HTR2C: variants seen among roughly 807,000 people sequenced by gnomAD.
HTR2C encodes the protein 5-hydroxytryptamine receptor 2C.
In HTR2C, 5 loss-of-function variants were observed where a neutral mutation model predicts 21.0. That is an observed-to-expected ratio of 0.24 (90% CI 0.12 to 0.50). The LOEUF (loss-of-function observed/expected upper bound fraction) is 0.50. Among genes scored for constraint, HTR2C ranks in the 20% least tolerant of loss-of-function variants. The probability of loss-of-function intolerance (pLI) is 0.98; values close to 1 mark genes in which losing one functional copy is unlikely to be tolerated. For synonymous variants in HTR2C, 150 were observed against 145.3 expected (o/e 1.03, Z -0.23); for missense variants, 271 against 371.2 (o/e 0.73, Z 2.22).
intron 3 of HTR2C, among the ~76,000 whole-genome samples, chrX:114,727,900 TA>T (rs2069498547): frequency 9.0e-6 from 1 of 111,191 alleles, no homozygotes; most frequent in South Asian, 3.8e-4. Context: ...AGGACAGTGA[TA>T]AAGAAGGGAA....
intron 5 of HTR2C, among the ~76,000 whole-genome samples, chrX:114,869,546 T>TATCTA (rs1424284147): frequency 1.8e-5 from 2 of 112,591 alleles, no homozygotes; most frequent in Non-Finnish European, 3.8e-5. Flanking sequence ...TGTTTATCAG[T>TATCTA]TCTAATAGTT....
intron 1 of HTR2C, among the ~76,000 whole-genome samples, chrX:114,600,870 T>A: frequency 8.9e-6 from 1 of 112,106 alleles, no homozygotes; most frequent in East Asian, 2.8e-4. Flanking sequence ...TTTTATGTAT[T>A]CTTTAAAATG....
intron 4 of HTR2C, among the ~76,000 whole-genome samples, chrX:114,840,689 G>A (rs2070826028): frequency 9.0e-6 from 1 of 111,387 alleles, no homozygotes; most frequent in Admixed American, 9.5e-5. Flanking sequence ...CAAATACCAA[G>A]CATCATAAGT....
At chrX:114,651,024 T>C (rs1930548589) in intron 2 of HTR2C, among the ~76,000 whole-genome samples, 1 of 112,093 alleles carries the variant, frequency 8.9e-6, no homozygotes, top group African/African-American at 3.2e-5. Flanking sequence ...CAGAACACTT[T>C]TGCATGTATG....
chrX:114,786,391 C>G (rs1336302828), intron 4 of HTR2C, among the ~76,000 whole-genome samples: 1 of 111,758 alleles, frequency 8.9e-6, no homozygotes, highest in Non-Finnish European at 1.9e-5. Context: ...AGCAGTATTG[C>G]TAGTAATTAT....
chrX:114,887,506 A>T (rs2071228756), intron 5 of HTR2C, among the ~76,000 whole-genome samples: 1 of 111,293 alleles, frequency 9.0e-6, no homozygotes, highest in South Asian at 3.8e-4. Flanking sequence ...TATTGGTATT[A>T]TTGCCTGGGG....
At chrX:114,621,589 G>A (rs914060928) in intron 2 of HTR2C, among the ~76,000 whole-genome samples, 4 of 111,979 alleles carry the variant, frequency 3.6e-5, no homozygotes, top group Non-Finnish European at 3.8e-5. Context: ...GATAACTGTT[G>A]TAGAGGCTGG....
intron 2 of HTR2C, among the ~76,000 whole-genome samples, chrX:114,717,353 G>A (rs1474022188): frequency 2.7e-5 from 3 of 112,314 alleles, no homozygotes; most frequent in African/African-American, 9.7e-5. Context: ...GATTATAGGC[G>A]TGAGCCATCG....
chrX:114,858,534 T>G (rs1323832800), intron 5 of HTR2C, among the ~76,000 whole-genome samples: 1 of 111,916 alleles, frequency 8.9e-6, no homozygotes, highest in Non-Finnish European at 1.9e-5. Flanking sequence ...ATTTTTGCAT[T>G]TACTCTATAC....
intron 2 of HTR2C, among the ~76,000 whole-genome samples, chrX:114,688,927 C>T (rs1040576033): frequency 1.7e-4 from 19 of 109,238 alleles, no homozygotes; most frequent in African/African-American, 6.3e-4. Flanking sequence ...TTTTGATGCA[C>T]CCATCACCCA....
chrX:114,781,981 C>A (rs1281377888), intron 4 of HTR2C, among the ~76,000 whole-genome samples: 1 of 107,413 alleles, frequency 9.3e-6, no homozygotes, highest in Non-Finnish European at 1.9e-5. Flanking sequence ...CAATGATTAC[C>A]CAAGCAAAAC....
intron 4 of HTR2C, among the ~76,000 whole-genome samples, chrX:114,808,914 C>G (rs2070504962): frequency 8.9e-6 from 1 of 111,918 alleles, no homozygotes; most frequent in South Asian, 3.7e-4. Context: ...CAACCTGTGG[C>G]CACCACCACT....
At position 114,611,842 on chromosome X, in the gene HTR2C, C is replaced by T. The variant is rs782261691; in HGVS notation, c.-146-1973C>T. Among the ~76,000 whole-genome samples, 6 of 111,117 alleles carry T rather than the reference C, an allele frequency of 5.4e-5. No homozygotes were observed. The South Asian group carries it at 1.5e-3, about 29-fold the overall frequency. On this transcript the variant is annotated intron_variant, in intron 1 of 5. Coordinates refer to ENST00000276198, the MANE Select transcript of HTR2C (RefSeq NM_000868.4). ...CCTCCCGAGTAGCTGAGACTATAGG[C>T]GCCCGCCACCACGCCCGGCTATTTT...
chrX:114,663,948 G>T (rs968454675), intron 2 of HTR2C, among the ~76,000 whole-genome samples: 5 of 111,481 alleles, frequency 4.5e-5, no homozygotes, highest in African/African-American at 6.5e-5. Context: ...AGACTGACAG[G>T]ATCATTTCCA....
At chrX:114,661,281 C>T (rs1289130039) in intron 2 of HTR2C, among the ~76,000 whole-genome samples, 3 of 110,715 alleles carry the variant, frequency 2.7e-5, no homozygotes, top group East Asian at 2.9e-4. Flanking sequence ...AGTGAAACCC[C>T]GTCTCTACTA....
intron 3 of HTR2C, among the ~76,000 whole-genome samples, chrX:114,729,315 G>A (rs1263354274): frequency 1.3e-4 from 15 of 111,594 alleles, no homozygotes; most frequent in South Asian, 3.8e-4. Flanking sequence ...TATGACACAG[G>A]TATTAAAGTT....
intron 4 of HTR2C, among the ~76,000 whole-genome samples, chrX:114,785,088 G>A: frequency 8.9e-6 from 1 of 111,955 alleles, no homozygotes; most frequent in Non-Finnish European, 1.9e-5. Flanking sequence ...TGAGAACACT[G>A]ACTTAATGGG....
chrX:114,905,860 A>G (rs2071368161), intron 5 of HTR2C, among the ~76,000 whole-genome samples: 1 of 111,543 alleles, frequency 9.0e-6, no homozygotes, highest in African/African-American at 3.3e-5. Context: ...GTGCTTCCCT[A>G]GAGTACTACC....
At chrX:114,846,468 A>G (rs1172309393) in intron 4 of HTR2C, among the ~76,000 whole-genome samples, 1 of 111,832 alleles carries the variant, frequency 8.9e-6, no homozygotes, top group East Asian at 2.8e-4. Context: ...CCCATTACTA[A>G]ATGGGATTTA....
Sources: gnomAD v4.1 joint callset for allele counts (sites outside exome capture counted in the v4.1 genomes callset) on GRCh38, gnomAD v4.1.1 for gene constraint, MANE v1.5 for transcripts, NCBI Gene and HGNC (gene_info 2026-07-23, HGNC 2026-07-21) for gene names.